The following TMPRSS15 variants were observed in gnomAD, a reference collection of about 807,000 sequenced individuals.
TMPRSS15 encodes the protein transmembrane serine protease 15.
In TMPRSS15, 128 loss-of-function variants were observed where a neutral mutation model predicts 125.3. The ratio of observed to expected loss-of-function variants is 1.02; its 90% confidence interval spans 0.89 to 1.18. TMPRSS15 has a LOEUF of 1.18. Ranked by LOEUF, TMPRSS15 falls within the 50% of genes most tolerant of loss-of-function variation. The pLI, the probability that TMPRSS15 is intolerant of heterozygous loss-of-function variation, is 0.00. For synonymous variants in TMPRSS15, 446 were observed against 423.2 expected, an observed-to-expected ratio of 1.05 and a Z score of -0.66; for missense variants, 1,283 against 1,212.7, an observed-to-expected ratio of 1.06 and a Z score of -0.86.
At chr21:18,336,622 A>T (rs1395915173) in intron 13 of TMPRSS15, among the ~76,000 whole-genome samples, 1 of 152,216 alleles carries the variant, frequency 6.6e-6, no homozygotes, top group African/African-American at 2.4e-5. Flanking sequence ...ATAAAAATCC[A>T]GACAATGAGA....
chr21:18,367,165 G>C (rs929560368), intron 6 of TMPRSS15, among the ~76,000 whole-genome samples: 1 of 151,782 alleles, frequency 6.6e-6, no homozygotes, highest in Non-Finnish European at 1.5e-5. Context: ...AAGAAAAAAA[G>C]AACGAAAATA....
chr21:18,401,540 T>C (rs1271959419), intron 1 of TMPRSS15, among the ~76,000 whole-genome samples: 1 of 152,102 alleles, frequency 6.6e-6, no homozygotes, highest in Non-Finnish European at 1.5e-5. Flanking sequence ...CAGGCACTCG[T>C]GGACATAAAG....
intron 1 of TMPRSS15, among the ~76,000 whole-genome samples, chr21:18,418,142 G>C (rs1286657685): frequency 2.0e-5 from 3 of 152,130 alleles, no homozygotes; most frequent in Admixed American, 2.0e-4. Flanking sequence ...AAACTTCTCT[G>C]TCTCTTCCAA....
chr21:18,318,133 G>A (rs2075193215), intron 16 of TMPRSS15, among the ~76,000 whole-genome samples: 1 of 152,196 alleles, frequency 6.6e-6, no homozygotes, highest in African/African-American at 2.4e-5. Context: ...AAGTTAGGAA[G>A]TTGGCAAGGT....
In TMPRSS15 at chr21:18,331,965, G is replaced by A. The variant is rs2075349471; in HGVS notation, c.1654+119C>T. 13 of 802,908 alleles carry A rather than the reference G, an allele frequency of 1.6e-5. 1 individual carries two copies. The South Asian group carries it at 1.8e-4, about 11-fold the overall frequency. 49.7% of individuals were successfully genotyped at this position (802,908 alleles called of 1,614,324 possible). A position where few individuals can be genotyped will look rare whatever the true frequency, so the allele number is the denominator to read the frequency against. ...GTTGTTATATTAAGCAATCTTATAGGTAGACATGATAGGCGTACCCATGTT... is the reference window on the plus strand; with the variant it reads ...GTTGTTATATTAAGCAATCTTATAGATAGACATGATAGGCGTACCCATGTT... On this transcript the variant is annotated intron_variant, in intron 14 of 24. Transcript: ENST00000284885.
At chr21:18,374,080 C>T (rs926867609) in intron 5 of TMPRSS15, among the ~76,000 whole-genome samples, 2 of 152,138 alleles carry the variant, frequency 1.3e-5, no homozygotes, top group Non-Finnish European at 2.9e-5. Flanking sequence ...GAATTAAAGA[C>T]ATTTTTACAG....
rs1019713756 is a variant in TMPRSS15, at chr21:18,353,642, T to A, written c.1021+81A>T. 4 of 1,325,574 alleles carry A rather than the reference T, an allele frequency of 3.0e-6. No homozygotes were observed. The African/African-American group carries it at 5.9e-5, about 20-fold the overall frequency. The allele number at this position is 1,325,574 out of a possible 1,614,324, so 82.1% of individuals were successfully genotyped here. ...ATTATAAAATTACATCATGAAAATT[T>A]TAGATTCTGCTACCTTTAAAATTCC... On this transcript the variant is annotated intron_variant, in intron 9 of 24. Coordinates refer to ENST00000284885, the MANE Select transcript of TMPRSS15 (RefSeq NM_002772.3).
intron 1 of TMPRSS15, among the ~76,000 whole-genome samples, chr21:18,454,527 T>G (rs1395567790): frequency 6.6e-6 from 1 of 151,838 alleles, no homozygotes; most frequent in Admixed American, 6.6e-5. Context: ...GGAAAGCCAG[T>G]GGTATAATTC....
chr21:18,440,230 G>A (rs373754108), intron 1 of TMPRSS15, among the ~76,000 whole-genome samples: 38 of 151,136 alleles, frequency 2.5e-4, no homozygotes, highest in Non-Finnish European at 5.2e-4. Context: ...AAAATTAGCC[G>A]GGCATGGTGG....
At chr21:18,303,410 G>A (rs1448376196) in intron 18 of TMPRSS15, among the ~76,000 whole-genome samples, 6 of 152,084 alleles carry the variant, frequency 3.9e-5, no homozygotes, top group Admixed American at 3.9e-4. Context: ...GGAGGAAAAA[G>A]GGGATATTAT....
intron 18 of TMPRSS15, among the ~76,000 whole-genome samples, chr21:18,298,252 C>T (rs990180977): frequency 1.3e-5 from 2 of 152,070 alleles, no homozygotes; most frequent in Non-Finnish European, 2.9e-5. Flanking sequence ...TTGTATAGCT[C>T]ATCTTTTTTT....
In TMPRSS15 at chr21:18,436,477, T is replaced by A. The variant is rs144826953; in HGVS notation, c.11-38148A>T. Among the ~76,000 whole-genome samples, 1,243 of 152,218 alleles carry A rather than the reference T, an allele frequency of 8.2e-3. 21 individuals are homozygous for A. The highest frequency in any genetic ancestry group is 0.028 in the African/African-American group (1,164 of 41,534). On this transcript the variant is annotated intron_variant, in intron 1 of 7. Transcript: ENST00000422787. ...TTCTTAATCTTGAGTTCTAGTTTGATTGCACTGTGGTCTAGTCAAATTGTC... is the reference window on the plus strand; with the variant it reads ...TTCTTAATCTTGAGTTCTAGTTTGAATGCACTGTGGTCTAGTCAAATTGTC...
intron 17 of TMPRSS15, among the ~76,000 whole-genome samples, chr21:18,314,687 G>C (rs2075142230): frequency 6.6e-6 from 1 of 151,812 alleles, no homozygotes; most frequent in East Asian, 1.9e-4. Context: ...CATAATAAAA[G>C]TATCCATTAC....
chr21:18,381,412 A>G (rs1231914216), intron 4 of TMPRSS15, among the ~76,000 whole-genome samples: 1 of 152,178 alleles, frequency 6.6e-6, no homozygotes, highest in East Asian at 1.9e-4. Context: ...ACTTCAAGAT[A>G]TCTATGTAAT....
At chr21:18,439,974 G>A (rs544729325) in intron 1 of TMPRSS15, among the ~76,000 whole-genome samples, 1 of 152,086 alleles carries the variant, frequency 6.6e-6, no homozygotes, top group African/African-American at 2.4e-5. Context: ...GGGTTGTTGT[G>A]GATAAGTTTT....
chr21:18,300,500 C>T (rs1329699184), intron 18 of TMPRSS15, among the ~76,000 whole-genome samples: 1 of 151,896 alleles, frequency 6.6e-6, no homozygotes, highest in African/African-American at 2.4e-5. Flanking sequence ...TGCCACCACA[C>T]CTGGCTAATT....
intron 1 of TMPRSS15, among the ~76,000 whole-genome samples, chr21:18,451,300 C>T (rs572196113): frequency 2.0e-5 from 3 of 151,896 alleles, no homozygotes; most frequent in Non-Finnish European, 4.4e-5. Context: ...GTACACAGTT[C>T]ACCAAAAAAT....
chr21:18,329,041 T>A lies in TMPRSS15; in HGVS notation c.1780+128A>T, dbSNP rs932076534. The A allele has an allele frequency of 5.8e-6, 6 of 1,033,060 alleles. No individual in the cohort carries two copies. The African/African-American group carries it at 8.0e-5, about 14-fold the overall frequency. The allele number at this position is 1,033,060 out of a possible 1,614,324, so 64.0% of individuals were successfully genotyped here. Reference sequence around the variant, plus strand: ...ATTGTAAGTTCCACATAAACTCATGTCACTTTACTATTGTATTTTCATTTT... The same window carrying A: ...ATTGTAAGTTCCACATAAACTCATGACACTTTACTATTGTATTTTCATTTT... On this transcript the variant is annotated intron_variant, in intron 15 of 24. Transcript: ENST00000284885.
chr21:18,431,295 C>T (rs2076216094), intron 1 of TMPRSS15, among the ~76,000 whole-genome samples: 1 of 152,028 alleles, frequency 6.6e-6, no homozygotes, highest in Non-Finnish European at 1.5e-5. Flanking sequence ...ACTTACTTTC[C>T]AGCCAGGTTT....
Sources: gnomAD v4.1 joint callset for allele counts (sites outside exome capture counted in the v4.1 genomes callset) on GRCh38, gnomAD v4.1.1 for gene constraint, MANE v1.5 for transcripts, NCBI Gene and HGNC (gene_info 2026-07-23, HGNC 2026-07-21) for gene names.